SMYD3: variants seen among roughly 807,000 people sequenced by gnomAD.
The protein encoded by SMYD3 is SET and MYND domain containing 3.
A neutral mutation model predicts 57.7 loss-of-function variants in SMYD3; 36 were observed. The observed-to-expected ratio is 0.62, with a 90% CI of 0.48 to 0.82. The LOEUF (loss-of-function observed/expected upper bound fraction) is 0.82. Among genes scored for constraint, SMYD3 ranks in the 40% least tolerant of loss-of-function variants. The pLI is 0.00. For synonymous variants in SMYD3, 211 were observed against 195.0 expected, an observed-to-expected ratio of 1.08 and a Z score of -0.68; for missense variants, 515 against 538.8, an observed-to-expected ratio of 0.96 and a Z score of 0.44.
chr1:246,444,356 C>T (rs371486093), intron 1 of SMYD3, among the ~76,000 whole-genome samples: 2 of 152,096 alleles, frequency 1.3e-5, no homozygotes, highest in African/African-American at 4.8e-5. Context: ...AAACTCCTGA[C>T]CTTGTGATCC....
intron 10 of SMYD3, among the ~76,000 whole-genome samples, chr1:245,814,971 T>C (rs954275589): frequency 6.6e-6 from 1 of 152,056 alleles, no homozygotes; most frequent in African/African-American, 2.4e-5. Context: ...CAGCTGTCCA[T>C]TGGTGCTCAA....
At chr1:246,385,175 T>C (rs1452329409) in intron 1 of SMYD3, among the ~76,000 whole-genome samples, 4 of 152,224 alleles carry the variant, frequency 2.6e-5, no homozygotes, top group African/African-American at 9.6e-5. Flanking sequence ...CTGAATTTAA[T>C]TGGTAAATTA....
At chr1:246,069,775 C>T (rs570624692) in intron 5 of SMYD3, among the ~76,000 whole-genome samples, 32 of 152,248 alleles carry the variant, frequency 2.1e-4, no homozygotes, top group Middle Eastern at 3.4e-3. Context: ...CAGCTGCCTG[C>T]GAAGGCTGAA....
chr1:245,879,818 A>G (rs1443315878), intron 8 of SMYD3, among the ~76,000 whole-genome samples: 2 of 152,232 alleles, frequency 1.3e-5, no homozygotes, highest in African/African-American at 4.8e-5. Flanking sequence ...AAAACTCTGT[A>G]ATGGAAGTCT....
chr1:246,502,709 T>G (rs746501560), intron 1 of SMYD3, among the ~76,000 whole-genome samples: 38 of 152,132 alleles, frequency 2.5e-4, no homozygotes, highest in Admixed American at 6.5e-4. Context: ...TCTGTGTTGT[T>G]TCTCTGGATC....
intron 5 of SMYD3, chr1:246,321,645 CT>C (rs1448967721): frequency 6.6e-6 from 1 of 151,656 alleles, no homozygotes; most frequent in Non-Finnish European, 1.5e-5. Flanking sequence ...TTGTAATTTT[CT>C]GAGTTTCGAA....
intron 11 of SMYD3, among the ~76,000 whole-genome samples, chr1:245,762,827 A>G (rs1322591086): frequency 6.6e-6 from 1 of 152,198 alleles, no homozygotes; most frequent in Non-Finnish European, 1.5e-5. Context: ...ACACGCCCTG[A>G]GCAACCCTGA....
chr1:246,181,810 T>C (rs1028924442), intron 5 of SMYD3, among the ~76,000 whole-genome samples: 1 of 152,186 alleles, frequency 6.6e-6, no homozygotes, highest in African/African-American at 2.4e-5. Context: ...ATCCTCCAGA[T>C]ACATAGACAC....
rs2065524384 is a variant in SMYD3 at position 246,335,300 on chromosome 1, C to T, written c.336+67G>A. The T allele has an allele frequency of 3.7e-6, 5 of 1,348,964 alleles. No individual in the cohort carries two copies. In the South Asian group the frequency reaches 4.7e-5, roughly 13 times the overall value. 83.6% of individuals were successfully genotyped at this position (1,348,964 alleles called of 1,614,324 possible). A position where few individuals can be genotyped will look rare whatever the true frequency, so the allele number is the denominator to read the frequency against. Reference sequence around the variant, plus strand: ...AACCTGCAACATCTCTGAGGTATACCGGAAAATGCAATTGCATATGTTTAT... The same window carrying T: ...AACCTGCAACATCTCTGAGGTATACTGGAAAATGCAATTGCATATGTTTAT... On this transcript the variant is annotated intron_variant, in intron 3 of 11. Transcript: ENST00000490107.
intron 1 of SMYD3, among the ~76,000 whole-genome samples, chr1:246,463,523 T>C (rs1250513967): frequency 6.6e-6 from 1 of 152,018 alleles, no homozygotes. Context: ...GACAGTTAAA[T>C]ACAAGAGTGT....
At chr1:246,469,609 A>G (rs563980051) in intron 1 of SMYD3, among the ~76,000 whole-genome samples, 4 of 151,988 alleles carry the variant, frequency 2.6e-5, no homozygotes, top group African/African-American at 9.7e-5. Context: ...GAACCAATGG[A>G]ACAAATAGGA....
chr1:245,896,940 C>A (rs981340850), intron 8 of SMYD3, among the ~76,000 whole-genome samples: 3 of 152,166 alleles, frequency 2.0e-5, no homozygotes, highest in Non-Finnish European at 2.9e-5. Context: ...TAAAAATGAG[C>A]CTGCCATACA....
chr1:245,922,349 A>C (rs2056034433), intron 7 of SMYD3, among the ~76,000 whole-genome samples: 1 of 152,250 alleles, frequency 6.6e-6, no homozygotes, highest in African/African-American at 2.4e-5. Flanking sequence ...CATGTATTAG[A>C]ACAAAGACTG....
chr1:245,806,538 C>T (rs974538226), intron 10 of SMYD3, among the ~76,000 whole-genome samples: 2 of 152,168 alleles, frequency 1.3e-5, no homozygotes, highest in Non-Finnish European at 2.9e-5. Context: ...TGCTATATTG[C>T]AGGAACTTGG....
At position 246,328,104 on chromosome 1, in the gene SMYD3, G is replaced by A. The variant is rs530151719; in HGVS notation, c.395-767C>T. Among the ~76,000 whole-genome samples the A allele has an allele frequency of 1.1e-3, 170 of 152,226 alleles. 1 individual carries two copies. The highest frequency in any genetic ancestry group is 5.2e-3 in the South Asian group (25 of 4,820). On this transcript the variant is annotated intron_variant, in intron 4 of 11. Coordinates refer to ENST00000490107, the MANE Select transcript of SMYD3 (RefSeq NM_001167740.2). The stretch of plus-strand genomic sequence containing the variant: ...AGCTACTCGGGAGGCTGAGGCAGGA[G>A]AATCACTTGAACCCAGGAGGTGGCG...
intron 5 of SMYD3, among the ~76,000 whole-genome samples, chr1:246,046,176 G>A (rs979012181): frequency 6.6e-6 from 1 of 152,132 alleles, no homozygotes; most frequent in Non-Finnish European, 1.5e-5. Context: ...ACATGCATAC[G>A]TATGTTTATT....
At chr1:245,993,034 G>A (rs527911548) in intron 5 of SMYD3, among the ~76,000 whole-genome samples, 7 of 152,280 alleles carry the variant, frequency 4.6e-5, no homozygotes, top group South Asian at 2.1e-4. Context: ...TTCCAAAGCC[G>A]CAAAATGACA....
At chr1:246,179,866 C>T in intron 5 of SMYD3, among the ~76,000 whole-genome samples, 1 of 152,228 alleles carries the variant, frequency 6.6e-6, no homozygotes, top group Non-Finnish European at 1.5e-5. Context: ...TTTTGCTGTT[C>T]CTTGTTATTC....
chr1:246,416,019 A>G (rs1048629673), intron 1 of SMYD3, among the ~76,000 whole-genome samples: 1 of 152,316 alleles, frequency 6.6e-6, no homozygotes, highest in East Asian at 1.9e-4. Flanking sequence ...GGTTGGTGCA[A>G]AAGGAACTGT....
Sources: allele counts gnomAD v4.1 joint callset (sites outside exome capture counted in the v4.1 genomes callset), GRCh38; gene constraint gnomAD v4.1.1; transcripts MANE v1.5; gene names NCBI Gene and HGNC (gene_info 2026-07-23, HGNC 2026-07-21).